The following ZNF560 variants were observed in gnomAD, a reference collection of about 807,000 sequenced individuals.
The protein encoded by ZNF560 is zinc finger protein 560.
ZNF560 carries 54 observed loss-of-function variants against 81.8 expected under a neutral mutation model. The ratio of observed to expected loss-of-function variants is 0.66; its 90% confidence interval spans 0.53 to 0.83. The LOEUF is 0.83. Among genes scored for constraint, ZNF560 ranks in the 40% least tolerant of loss-of-function variants. The probability of loss-of-function intolerance (pLI) is 0.00; values close to 1 mark genes in which losing one functional copy is unlikely to be tolerated. For synonymous variants in ZNF560, 321 were observed against 317.9 expected (o/e 1.01, Z -0.10); for missense variants, 940 against 932.4 (o/e 1.01, Z -0.11).
At chr19:9,465,720 C>A (rs1020591003), downstream of ZNF560, among the ~76,000 whole-genome samples, 6 of 152,172 alleles carry the variant, frequency 3.9e-5, no homozygotes, top group Non-Finnish European at 1.5e-5. Flanking sequence ...TGGCCAGGCG[C>A]GATGGCTCAC....
downstream of ZNF560, among the ~76,000 whole-genome samples, chr19:9,463,878 T>A (rs2072974020): frequency 6.6e-6 from 1 of 152,192 alleles, no homozygotes; most frequent in African/African-American, 2.4e-5. Flanking sequence ...AGATAGGGTT[T>A]TGCCATGTTG....
chr19:9,468,104 C>G lies in ZNF560; in HGVS notation c.843G>C (p.Gln281His). The G allele has an allele frequency of 6.2e-7, 1 of 1,614,080 alleles. No homozygotes were observed. The highest frequency in any genetic ancestry group is 8.5e-7 in the Non-Finnish European group (1 of 1,180,004). Residue 281 changes from glutamine to histidine, a missense_variant, in exon 10 of 10, where the codon CAG becomes CAC. Transcript: ENST00000301480. The part of the protein sequence containing the change: ...GKSFRLILNV[Q>H]VQRKCTQDKS... Reference sequence around the variant, plus strand: ...TATCTTGTGTACACTTTCTCTGGACCTGAACATTTAAAATCAGGCGGAAAG... The same window carrying G: ...TATCTTGTGTACACTTTCTCTGGACGTGAACATTTAAAATCAGGCGGAAAG...
At chr19:9,472,252 T>C (rs1357960638) in intron 5 of ZNF560, among the ~76,000 whole-genome samples, 1 of 152,146 alleles carries the variant, frequency 6.6e-6, no homozygotes, top group Non-Finnish European at 1.5e-5. Flanking sequence ...GGGTCCTTCA[T>C]GAATGGCTTA....
intron 2 of ZNF560, among the ~76,000 whole-genome samples, chr19:9,480,289 A>T (rs2073266474): frequency 6.6e-6 from 1 of 152,224 alleles, no homozygotes; most frequent in South Asian, 2.1e-4. Flanking sequence ...ATCATATCAA[A>T]CATCTTTTCT....
chr19:9,485,512 A>G (rs1274704351), intron 2 of ZNF560, among the ~76,000 whole-genome samples: 1 of 150,134 alleles, frequency 6.7e-6, no homozygotes, highest in African/African-American at 2.4e-5. Flanking sequence ...ATCTCAAGAA[A>G]AAAAAAAAAA....
At position 9,474,054 on chromosome 19, in the gene ZNF560, A is replaced by C. The variant is rs2073162006; in HGVS notation, c.157+145T>G. On this transcript the variant is annotated intron_variant, in intron 4 of 9. Coordinates refer to ENST00000301480, the MANE Select transcript of ZNF560 (RefSeq NM_152476.3). Reference sequence around the variant, plus strand: ...GCTGTCGAAACTGGACCACACTTTGAAAACGACCACAGTAATTAAGACCTA... The same window carrying C: ...GCTGTCGAAACTGGACCACACTTTGCAAACGACCACAGTAATTAAGACCTA... 14 of 907,858 alleles carry C rather than the reference A, an allele frequency of 1.5e-5. No individual in the cohort carries two copies. The South Asian group carries it at 2.1e-4, about 13-fold the overall frequency. The allele number at this position is 907,858 out of a possible 1,614,324, so 56.2% of individuals were successfully genotyped here.
chr19:9,456,514 A>G, the ZNF560 span, among the ~76,000 whole-genome samples: 3 of 152,214 alleles, frequency 2.0e-5, no homozygotes, highest in Admixed American at 2.0e-4. Context: ...AGGGAGAGCC[A>G]CCTACTGGGT....
the ZNF560 span, among the ~76,000 whole-genome samples, chr19:9,453,260 G>GA: frequency 6.6e-6 from 1 of 152,180 alleles, no homozygotes; most frequent in Non-Finnish European, 1.5e-5. Flanking sequence ...TTGGCACCCT[G>GA]AAGACATTTA....
chr19:9,455,163 CA>C, the ZNF560 span, among the ~76,000 whole-genome samples: 1 of 152,198 alleles, frequency 6.6e-6, no homozygotes, highest in Non-Finnish European at 1.5e-5. Context: ...CCCAGATCAA[CA>C]GGGGAATGTT....
At chr19:9,504,371 G>T in the ZNF560 span, among the ~76,000 whole-genome samples, 1 of 152,104 alleles carries the variant, frequency 6.6e-6, no homozygotes, top group African/African-American at 2.4e-5. Context: ...GGAGATGGAG[G>T]TTGCAGTAAG....
At chr19:9,453,923 G>T in the ZNF560 span, among the ~76,000 whole-genome samples, 25 of 152,192 alleles carry the variant, frequency 1.6e-4, no homozygotes, top group Non-Finnish European at 3.1e-4. Context: ...CAGGCCCCAA[G>T]CCTGGACATA....
intron 2 of ZNF560, among the ~76,000 whole-genome samples, chr19:9,479,184 GA>G (rs113154495): frequency 2.9e-4 from 40 of 138,020 alleles, no homozygotes; most frequent in Middle Eastern, 3.8e-3. Context: ...TTCCAAAATG[GA>G]AAAAAAAAAA....
At chr19:9,482,982 TGGAGTG>T (rs2073316670) in intron 2 of ZNF560, among the ~76,000 whole-genome samples, 1 of 152,208 alleles carries the variant, frequency 6.6e-6, no homozygotes. Context: ...TTGCTCAGGC[TGGAGTG>T]CAGTGGCGTG....
chr19:9,499,404 A>G (rs2073612376), upstream of ZNF560, among the ~76,000 whole-genome samples: 1 of 152,156 alleles, frequency 6.6e-6, no homozygotes, highest in African/African-American at 2.4e-5. Context: ...CATGTTGCCC[A>G]GGCTGGTCTG....
At chr19:9,497,048 G>A (rs545650517) in intron 2 of ZNF560, among the ~76,000 whole-genome samples, 1 of 151,806 alleles carries the variant, frequency 6.6e-6, no homozygotes, top group Non-Finnish European at 1.5e-5. Flanking sequence ...CGTGGTAAGC[G>A]GTGGTTGCAG....
Position 9,495,255 on chromosome 19 carries a change from T to TGACTGATA in ZNF560, c.-57+2865_-57+2872dup, listed in dbSNP as rs1420667629. On this transcript the variant is annotated intron_variant, in intron 2 of 9. Coordinates refer to ENST00000301480, the MANE Select transcript of ZNF560 (RefSeq NM_152476.3). Reference sequence around the variant, plus strand: ...TTTGTAAATGGACTATAGAATTTGATGACTGATAGAACTGGATTCAAAATT... The same window carrying TGACTGATA: ...TTTGTAAATGGACTATAGAATTTGATGACTGATAGACTGATAGAACTGGATTCAAAATT... Among the ~76,000 whole-genome samples, 3 of 152,342 alleles carry TGACTGATA rather than the reference T, an allele frequency of 2.0e-5. No homozygotes were observed. The East Asian group carries it at 5.8e-4, about 29-fold the overall frequency.
chr19:9,459,445 C>T, the ZNF560 span, among the ~76,000 whole-genome samples: 2 of 152,250 alleles, frequency 1.3e-5, no homozygotes, highest in Admixed American at 1.3e-4. Context: ...ACTGAATCAA[C>T]AGCCAATTTG....
chr19:9,490,986 T>G (rs903695799), intron 2 of ZNF560, among the ~76,000 whole-genome samples: 9 of 152,144 alleles, frequency 5.9e-5, no homozygotes, highest in Non-Finnish European at 1.0e-4. Context: ...ATTGCAACAC[T>G]CCATCACATT....
chr19:9,494,924 A>AAAGC (rs1555779385), intron 2 of ZNF560, among the ~76,000 whole-genome samples: 1 of 151,798 alleles, frequency 6.6e-6, no homozygotes, highest in African/African-American at 2.4e-5. Flanking sequence ...ACAAACAAAC[A>AAAGC]AAACAAACAA....
Sources: allele counts gnomAD v4.1 joint callset (sites outside exome capture counted in the v4.1 genomes callset), GRCh38; gene constraint gnomAD v4.1.1; transcripts MANE v1.5; gene names NCBI Gene and HGNC (gene_info 2026-07-23, HGNC 2026-07-21).